MED13: variants seen among roughly 807,000 people sequenced by gnomAD.
The protein encoded by MED13 is mediator complex subunit 13.
A neutral mutation model predicts 225.2 loss-of-function variants in MED13; 23 were observed. The ratio of observed to expected loss-of-function variants is 0.10; its 90% confidence interval spans 0.07 to 0.14. The LOEUF (loss-of-function observed/expected upper bound fraction) is 0.14, where lower values mean the gene tolerates loss of function less well. MED13 is among the 10% of genes least tolerant of loss of function. The pLI is 1.00. For missense variants in MED13, 2,197 were observed against 2,594.5 expected (o/e 0.85, Z 3.33); for synonymous variants, 942 against 889.2 (o/e 1.06, Z -1.06).
chr17:61,965,794 G>T (rs1567947601), intron 19 of MED13, among the ~76,000 whole-genome samples: 1 of 151,952 alleles, frequency 6.6e-6, no homozygotes, highest in South Asian at 2.1e-4. Flanking sequence ...CTATTCAAAG[G>T]GTTTCTAAAT....
intron 16 of MED13, among the ~76,000 whole-genome samples, chr17:61,974,143 G>C (rs1440233777): frequency 3.9e-5 from 6 of 152,168 alleles, no homozygotes; most frequent in Admixed American, 3.9e-4. Context: ...CTTGGGTGGT[G>C]GCTCATGCCT....
At chr17:62,025,604 A>AG (rs1465251126) in intron 8 of MED13, among the ~76,000 whole-genome samples, 4 of 151,756 alleles carry the variant, frequency 2.6e-5, no homozygotes, top group Non-Finnish European at 5.9e-5. Flanking sequence ...TGGGAGGCGG[A>AG]GGTTGCAGTG....
chr17:61,961,931 T>A, intron 21 of MED13, 152 bp from the exon 22 acceptor site: 1 of 774,202 alleles, frequency 1.3e-6, no homozygotes, highest in South Asian at 1.8e-5. Flanking sequence ...ATCTATTATG[T>A]AGGCTTTTAA....
rs1008568753 is a variant in MED13, at chr17:62,010,680, T to C, written c.1837A>G (p.Ile613Val). The C allele has an allele frequency of 1.1e-5, 17 of 1,548,844 alleles. 1 individual carries two copies. The highest frequency in any genetic ancestry group is 2.8e-5 in the African/African-American group (2 of 72,574). ...GGGAACTTGTAATACTTCCAGGCTA[T>C]ATTGGCTTCATCTTCTTCCAAGTTT... ...AVNLEEDEAN[I>V]AWKYYKFPKK... Residue 613 changes from isoleucine to valine, a missense_variant, in exon 9 of 30, where the codon ATA becomes GTA. Ile to Val is a conservative substitution (Grantham distance 29). Around this residue, in one of 12 missense-constraint regions of MED13, gnomAD observed 884 missense variants for 918.5 expected, o/e 0.96. Transcript: ENST00000397786.
chr17:61,947,596 A>G (rs1388024884), intron 28 of MED13, among the ~76,000 whole-genome samples: 1 of 152,224 alleles, frequency 6.6e-6, no homozygotes, highest in Non-Finnish European at 1.5e-5. Flanking sequence ...AACAGGAATA[A>G]GCATAAGCAA....
At chr17:62,045,154 T>C (rs972940376) in intron 3 of MED13, among the ~76,000 whole-genome samples, 1 of 152,208 alleles carries the variant, frequency 6.6e-6, no homozygotes, top group Admixed American at 6.5e-5. Context: ...CAATCTCATC[T>C]GCCACTTAAC....
chr17:61,962,139 A>G (rs1334736315), intron 21 of MED13, among the ~76,000 whole-genome samples: 1 of 151,994 alleles, frequency 6.6e-6, no homozygotes, highest in Non-Finnish European at 1.5e-5. Flanking sequence ...CACAAAAATG[A>G]GCTGGGTGTG....
At chr17:62,008,110 G>A (rs900988883) in intron 9 of MED13, among the ~76,000 whole-genome samples, 4 of 150,202 alleles carry the variant, frequency 2.7e-5, no homozygotes, top group African/African-American at 9.8e-5. Context: ...GAGGTCAGGA[G>A]ATCGAGACCA....
At position 61,955,579 on chromosome 17, in the gene MED13, A is replaced by G. The variant is rs750800414; in HGVS notation, c.5783-12T>C. ...AGTTGACACAGAATCTGAAAATGAA[A>G]GACATTTTTTCTTTTAATAAACGAA... On this transcript the variant is annotated splice_polypyrimidine_tract_variant and intron_variant, in intron 25 of 29. Coordinates refer to ENST00000397786, the MANE Select transcript of MED13 (RefSeq NM_005121.3). 11 of 1,546,192 alleles carry G rather than the reference A, an allele frequency of 7.1e-6. No homozygotes were observed. Among genetic ancestry groups the G allele is most frequent in the Non-Finnish European group, 9.5e-6 (11 of 1,152,718 alleles).
chr17:61,982,054 C>T, intron 16 of MED13, 144 bp downstream of exon 16: 1 of 690,982 alleles, frequency 1.4e-6, no homozygotes. Context: ...AGAAATTCTC[C>T]CTTTAAAAAC....
At chr17:61,961,417 G>A (rs1441047766) in intron 22 of MED13, among the ~76,000 whole-genome samples, 171 bp downstream of exon 22, 2 of 151,542 alleles carry the variant, frequency 1.3e-5, no homozygotes, top group African/African-American at 2.4e-5. Context: ...CTACTCAGGA[G>A]GCTGAGGCAG....
At position 61,956,460 on chromosome 17, in the gene MED13, A is replaced by T; in HGVS notation, c.5502T>A (p.Ser1834=). Residue 1834 remains serine, a synonymous_variant, in exon 24 of 30, where the codon TCT becomes TCA. Transcript: ENST00000397786. The stretch of plus-strand genomic sequence containing the variant: ...GTTTCTGTAGACCAAATTTTCTAGC[A>T]GAACTTTTTTTCCGACGAGCCCTAT... ...VPNRARRKKS[S]ARKFGLQKLW... is the part of the protein sequence containing the mutation. 1 of 1,612,450 alleles carries T rather than the reference A, an allele frequency of 6.2e-7. No individual in the cohort carries two copies. Among genetic ancestry groups the T allele is most frequent in the Non-Finnish European group, 8.5e-7 (1 of 1,179,548 alleles).
intron 23 of MED13, 105 bp from the exon 24 acceptor site, chr17:61,956,586 T>A: frequency 3.6e-6 from 4 of 1,126,564 alleles, no homozygotes; most frequent in Middle Eastern, 2.2e-4. Flanking sequence ...CCAGGCTGGA[T>A]GGAGTGCAGT....
intron 4 of MED13, among the ~76,000 whole-genome samples, chr17:62,034,397 G>A (rs568836779): frequency 6.7e-6 from 1 of 150,278 alleles, no homozygotes; most frequent in South Asian, 2.1e-4. Context: ...TGAGGCTGGA[G>A]AACTGCTTGA....
At chr17:61,976,556 AT>A (rs1213484370) in intron 16 of MED13, among the ~76,000 whole-genome samples, 1 of 152,194 alleles carries the variant, frequency 6.6e-6, no homozygotes, top group African/African-American at 2.4e-5. Flanking sequence ...GGTATTCTTA[AT>A]TTTTGTTCAG....
intron 3 of MED13, among the ~76,000 whole-genome samples, chr17:62,043,908 T>C (rs1258149161): frequency 6.6e-6 from 1 of 152,154 alleles, no homozygotes; most frequent in African/African-American, 2.4e-5. Flanking sequence ...AATTTTAAAT[T>C]ACCTATGTGG....
chr17:61,952,957 A>G lies in MED13; in HGVS notation c.6117+8T>C. On this transcript the variant is annotated splice_region_variant and intron_variant, in intron 27 of 29. Coordinates refer to ENST00000397786, the MANE Select transcript of MED13 (RefSeq NM_005121.3). ...GCCGAGAAAAACTAAAACTTGTAACACAGTTACCTTGCCCGCATCACCTCC... is the reference window on the plus strand; with the variant it reads ...GCCGAGAAAAACTAAAACTTGTAACGCAGTTACCTTGCCCGCATCACCTCC... 2.5e-6 allele frequency: 4 copies of G among 1,609,738 alleles called. No individual in the cohort carries two copies. The highest frequency in any genetic ancestry group is 1.3e-5 in the African/African-American group (1 of 74,648).
In MED13 at chr17:61,950,862, C is replaced by T. The variant is rs755254643; in HGVS notation, c.6254G>A (p.Cys2085Tyr). ...GPLPDWFWSA[C>Y]PQAQYQCPLF... ...GGGACACTGATATTGTGCTTGAGGA[C>T]ATGCTGACCAGAACCAGTCAGGTAA... The change falls in exon 28 of 30, where the codon TGT (cysteine) becomes TAT (tyrosine). Residue 2085 changes from cysteine to tyrosine, a missense_variant. Cys to Tyr is a radical substitution (Grantham distance 194). Transcript: ENST00000397786. 1 of 1,613,712 alleles carries T rather than the reference C, an allele frequency of 6.2e-7. No homozygotes were observed. Among genetic ancestry groups the T allele is most frequent in the Non-Finnish European group, 8.5e-7 (1 of 1,179,794 alleles).
chr17:62,029,800 A>G (rs770536979), intron 7 of MED13, 51 bp downstream of exon 7: 27 of 1,522,412 alleles, frequency 1.8e-5, no homozygotes, highest in African/African-American at 4.2e-5. Flanking sequence ...TCTTCTAATT[A>G]TAAGTAATTA....
Sources: gnomAD v4.1 joint callset for allele counts (sites outside exome capture counted in the v4.1 genomes callset) on GRCh38, gnomAD v4.1.1 for gene constraint, gnomAD v4.1.1 regional missense constraint, MANE v1.5 for transcripts, NCBI Gene and HGNC (gene_info 2026-07-23, HGNC 2026-07-21) for gene names.